Variants in RNPEPL1 observed in about 807,000 individuals in gnomAD.
The protein encoded by RNPEPL1 is aminopeptidase RNPEPL1.
In RNPEPL1, 46 loss-of-function variants were observed where a neutral mutation model predicts 69.0. That is an observed-to-expected ratio of 0.67 (90% confidence interval 0.53 to 0.85). RNPEPL1 has a LOEUF of 0.85. Among genes scored for constraint, RNPEPL1 ranks in the 40% least tolerant of loss-of-function variants. The pLI is 0.00. For missense variants in RNPEPL1, 869 were observed against 992.5 expected (o/e 0.88, Z 1.67); for synonymous variants, 525 against 454.1 (o/e 1.16, Z -1.98).
intron 2 of RNPEPL1, among the ~76,000 whole-genome samples, chr2:240,572,794 G>A (rs1382359019): frequency 1.3e-5 from 2 of 152,228 alleles, no homozygotes; most frequent in Non-Finnish European, 2.9e-5. Flanking sequence ...GACCCGGGGT[G>A]AGTCCCCAGT....
chr2:240,568,988 G>C lies in RNPEPL1; in HGVS notation c.402G>C (p.Pro134=). 6.7e-7 allele frequency: 1 copy of C among 1,483,704 alleles called. No homozygotes were observed. The highest frequency in any genetic ancestry group is 8.9e-7 in the Non-Finnish European group (1 of 1,123,302). 91.9% of individuals were successfully genotyped at this position (1,483,704 alleles called of 1,614,324 possible). Residue 134 remains proline (P), a synonymous_variant, in exon 1 of 11, where the codon CCG becomes CCC. Transcript: ENST00000270357. The surrounding 1 kb of genome is among the most constrained non-coding windows in gnomAD (Gnocchi z 6.2). ...CCGGCTCCGAGCCCGCCTGCTGTCC[G>C]CTGGCCTTCAGGGTGGACCCGTTCA... ...EAPGSEPACC[P]LAFRVDPFTD... is the part of the protein sequence containing the mutation.
At position 240,573,828 on chromosome 2, in the gene RNPEPL1, C is replaced by A; in HGVS notation, c.875C>A (p.Ser292Ter). 6.4e-7 allele frequency: 1 copy of A among 1,553,400 alleles called. No individual in the cohort carries two copies. Residue 292 changes from serine to a stop codon, truncating the protein, a stop_gained, in exon 4 of 11, where the codon TCG becomes TAG. Coordinates refer to ENST00000270357, the MANE Select transcript of RNPEPL1 (RefSeq NM_018226.6). LOFTEE classifies it high-confidence loss of function. ...CLLPTATSKL[S>*]GAVEQWLSAA... The stretch of plus-strand genomic sequence containing the variant: ...CTGCCCACGGCCACCAGCAAGCTGT[C>A]GGGCGCAGTGGAGCAGTGGCTGAGT...
intron 3 of RNPEPL1, 40 bp from the exon 4 acceptor site, chr2:240,573,735 G>A: frequency 1.4e-6 from 2 of 1,470,444 alleles, no homozygotes; most frequent in Non-Finnish European, 1.8e-6. Flanking sequence ...AGCGGGGCTG[G>A]GGCTGCTCGG....
chr2:240,576,104 T>A (rs543206268), intron 8 of RNPEPL1: 1 of 265,968 alleles, frequency 3.8e-6, no homozygotes, highest in African/African-American at 2.2e-5. Context: ...TTTTGGAAGG[T>A]ACAGCAAGTG....
chr2:240,577,721 C>T lies in RNPEPL1; in HGVS notation c.2007C>T (p.Ile669=), dbSNP rs1232898367. The T allele has an allele frequency of 6.2e-7, 1 of 1,612,540 alleles. No homozygotes were observed. Among genetic ancestry groups the T allele is most frequent in the Admixed American group, 1.7e-5 (1 of 59,952 alleles). The part of the protein sequence containing the change: ...GRLHPNLRRA[I]QQILSQGLGS... ...TGCACCCCAACCTGCGCAGAGCCATCCAGCAGATCCTGTCCCAGGGCCTGG... is the reference window on the plus strand; with the variant it reads ...TGCACCCCAACCTGCGCAGAGCCATTCAGCAGATCCTGTCCCAGGGCCTGG... The change falls in exon 11 of 11, where the codon ATC becomes ATT. Residue 669 remains isoleucine, a synonymous_variant. Coordinates refer to ENST00000270357, the MANE Select transcript of RNPEPL1 (RefSeq NM_018226.6).
At chr2:240,570,546 A>G (rs551911297) in intron 1 of RNPEPL1, among the ~76,000 whole-genome samples, 1 of 152,212 alleles carries the variant, frequency 6.6e-6, no homozygotes, top group Non-Finnish European at 1.5e-5. Context: ...CCAGGGACTC[A>G]GGCCCAAATC....
At chr2:240,572,281 C>G (rs1034702243) in intron 1 of RNPEPL1, 142 bp from the exon 2 acceptor site, 2 of 944,954 alleles carry the variant, frequency 2.1e-6, no homozygotes, top group South Asian at 1.6e-5. Flanking sequence ...TAAGGGGTGG[C>G]TATTGGCCCT....
chr2:240,574,038 G>C, intron 4 of RNPEPL1, 75 bp from the exon 5 acceptor site: 1 of 1,451,820 alleles, frequency 6.9e-7, no homozygotes, highest in Non-Finnish European at 9.5e-7. Flanking sequence ...CTGCTGGGTG[G>C]AAGGTGGGGT....
Position 240,574,357 on chromosome 2 carries a change from A to G in RNPEPL1, c.1174+9A>G. On this transcript the variant is annotated intron_variant, in intron 5 of 10. Transcript: ENST00000270357. ...CACCACCGAGACCTACGGTGCGGCC[A>G]GGGCCGGGGAGGGCAGCCACGGGGG... is the stretch of plus-strand genomic sequence containing the variant. 6.3e-7 allele frequency: 1 copy of G among 1,588,024 alleles called. No homozygotes were observed. Among genetic ancestry groups the G allele is most frequent in the Middle Eastern group, 1.7e-4 (1 of 5,914 alleles).
Position 240,568,548 on chromosome 2 carries a change from G to C in RNPEPL1, c.-39G>C. 1.1e-6 allele frequency: 1 copy of C among 922,552 alleles called. No individual in the cohort carries two copies. The highest frequency in any genetic ancestry group is 1.3e-6 in the Non-Finnish European group (1 of 778,782). The allele number at this position is 922,552 out of a possible 1,614,324, so 57.1% of individuals were successfully genotyped here. ...CGGCGCCCCTCGCCCGCGGCCCGGC[G>C]CGGCCGCCGCCCATGGATTTCACCT... On this transcript the variant is annotated 5_prime_UTR_variant, in exon 1 of 11. Coordinates refer to ENST00000270357, the MANE Select transcript of RNPEPL1 (RefSeq NM_018226.6). The surrounding 1 kb of genome is among the most constrained non-coding windows in gnomAD (Gnocchi z 6.2).
chr2:240,571,476 C>T (rs965051266), intron 1 of RNPEPL1, among the ~76,000 whole-genome samples: 1 of 152,022 alleles, frequency 6.6e-6, no homozygotes, highest in Non-Finnish European at 1.5e-5. Flanking sequence ...TGACTTGGGA[C>T]GAAGGTGATG....
intron 1 of RNPEPL1, 109 bp downstream of exon 1, chr2:240,569,223 C>T (rs1395820695): frequency 2.5e-6 from 3 of 1,184,492 alleles, no homozygotes; most frequent in South Asian, 3.7e-5. Flanking sequence ...CTACAGGTGC[C>T]CCCCTCCCCC....
intron 7 of RNPEPL1, 39 bp from the exon 8 acceptor site, chr2:240,575,463 C>A (rs757228907): frequency 6.4e-7 from 1 of 1,566,182 alleles, no homozygotes; most frequent in Admixed American, 1.7e-5. Context: ...CTGTGCCCCA[C>A]CCTTCCAGGC....
intron 1 of RNPEPL1, among the ~76,000 whole-genome samples, chr2:240,571,937 G>A (rs961026730): frequency 2.0e-5 from 3 of 152,220 alleles, no homozygotes; most frequent in African/African-American, 7.2e-5. Context: ...CTCTGGGCCC[G>A]GGCGTGCTGC....
intron 8 of RNPEPL1, chr2:240,576,195 T>TCCCGC: frequency 2.5e-6 from 1 of 401,984 alleles, no homozygotes; most frequent in Non-Finnish European, 4.5e-6. Context: ...GTTGCCCCCA[T>TCCCGC]CCCGCCCCTG....
At chr2:240,571,355 T>C (rs1417737536) in intron 1 of RNPEPL1, among the ~76,000 whole-genome samples, 1 of 152,080 alleles carries the variant, frequency 6.6e-6, no homozygotes, top group Non-Finnish European at 1.5e-5. Context: ...AGAAGCATGT[T>C]GGGGGCACCT....
At chr2:240,573,920 T>A (rs1241844089) in intron 4 of RNPEPL1, 29 bp downstream of exon 4, 1 of 1,566,644 alleles carries the variant, frequency 6.4e-7, no homozygotes, top group East Asian at 2.3e-5. Context: ...TGGACCTGGC[T>A]GGCTGGAAGG....
chr2:240,573,284 T>A, intron 3 of RNPEPL1, 23 bp downstream of exon 3: 2 of 1,548,426 alleles, frequency 1.3e-6, no homozygotes, highest in Non-Finnish European at 1.7e-6. Context: ...GCTGGGGCCT[T>A]CTGGGGCTGC....
At chr2:240,575,002 C>T (rs2093033524) in intron 6 of RNPEPL1, 28 bp from the exon 7 acceptor site, 2 of 1,579,826 alleles carry the variant, frequency 1.3e-6, no homozygotes, top group Non-Finnish European at 1.7e-6. Context: ...GTTTCGGACG[C>T]CAGCCCAGGT....
Sources: allele counts gnomAD v4.1 joint callset (sites outside exome capture counted in the v4.1 genomes callset), GRCh38; gene constraint gnomAD v4.1.1; non-coding constraint Gnocchi (gnomAD v3.1); transcripts MANE v1.5; gene names NCBI Gene and HGNC (gene_info 2026-07-23, HGNC 2026-07-21).